LNPK: variants seen among roughly 807,000 people sequenced by gnomAD.
The protein encoded by LNPK is endoplasmic reticulum junction formation protein lunapark.
In LNPK, 29 loss-of-function variants were observed where a neutral mutation model predicts 55.2. The observed-to-expected ratio is 0.53, with a 90% CI of 0.39 to 0.72. LNPK has a LOEUF of 0.72. Ranked by LOEUF, LNPK falls within the 30% of genes least tolerant of loss-of-function variation. The pLI is 0.00. For synonymous variants in LNPK, 162 were observed against 168.2 expected (o/e 0.96, Z 0.29); for missense variants, 467 against 494.8 (o/e 0.94, Z 0.53).
intron 1 of LNPK, among the ~76,000 whole-genome samples, chr2:175,997,830 C>T (rs1292328441): frequency 6.6e-6 from 1 of 151,176 alleles, no homozygotes; most frequent in Middle Eastern, 3.2e-3. Context: ...CCATCTCCAG[C>T]GTTAAAGCAA....
intron 1 of LNPK, among the ~76,000 whole-genome samples, chr2:176,000,523 T>C (rs891021943): frequency 6.6e-6 from 1 of 152,220 alleles, no homozygotes; most frequent in Non-Finnish European, 1.5e-5. Flanking sequence ...AATTGGAAAA[T>C]TATATTAGTT....
At chr2:175,980,585 T>C (rs1687123708) in intron 4 of LNPK, among the ~76,000 whole-genome samples, 1 of 152,114 alleles carries the variant, frequency 6.6e-6, no homozygotes, top group Admixed American at 6.5e-5. Context: ...CATAGCAAAA[T>C]ACCTCTTCTC....
chr2:176,002,405 T>G (rs527995204), upstream of LNPK: 8 of 347,490 alleles, frequency 2.3e-5, no homozygotes, highest in East Asian at 4.7e-4. Context: ...GCCGGGAGGT[T>G]AGGATCTTGT....
At chr2:175,962,599 A>C (rs187495499) in intron 8 of LNPK, among the ~76,000 whole-genome samples, 9,281 of 152,088 alleles carry the variant, frequency 0.061, 329 homozygotes, top group Admixed American at 0.12. Flanking sequence ...ACCATAAAAA[A>C]CCTAGAAGAA....
At chr2:175,946,829 C>A (rs1574828488) in intron 9 of LNPK, among the ~76,000 whole-genome samples, 1 of 152,120 alleles carries the variant, frequency 6.6e-6, no homozygotes, top group African/African-American at 2.4e-5. Flanking sequence ...CAGTGGACTT[C>A]CATGCCCCAG....
At chr2:175,958,370 G>A (rs114199732) in intron 8 of LNPK, among the ~76,000 whole-genome samples, 264 of 152,288 alleles carry the variant, frequency 1.7e-3, no homozygotes, top group African/African-American at 6.1e-3. Context: ...CCACAGGAAG[G>A]ATCAGGCAGC....
intron 12 of LNPK, among the ~76,000 whole-genome samples, chr2:175,933,246 A>C (rs947302434): frequency 6.6e-6 from 1 of 152,172 alleles, no homozygotes; most frequent in Non-Finnish European, 1.5e-5. Context: ...TGAAACTCAT[A>C]AAACAGTGTA....
At chr2:176,001,771 C>T (rs916471501) in intron 1 of LNPK, among the ~76,000 whole-genome samples, 3 of 152,150 alleles carry the variant, frequency 2.0e-5, no homozygotes, top group Non-Finnish European at 4.4e-5. Flanking sequence ...TAGTTTGGGA[C>T]CTTCTGACCT....
chr2:175,947,780 C>T (rs548854048), intron 8 of LNPK, 88 bp from the exon 9 acceptor site: 57 of 932,768 alleles, frequency 6.1e-5, no homozygotes, highest in African/African-American at 2.3e-4. Flanking sequence ...TAAAATTTTA[C>T]GCCCCAAAAG....
chr2:175,942,057 G>T (rs147603613), intron 9 of LNPK, among the ~76,000 whole-genome samples: 15 of 151,660 alleles, frequency 9.9e-5, no homozygotes, highest in African/African-American at 2.9e-4. Flanking sequence ...ATCACTAGAA[G>T]AACAATACAA....
intron 8 of LNPK, among the ~76,000 whole-genome samples, chr2:175,956,060 G>A (rs1296372006): frequency 1.6e-4 from 24 of 151,866 alleles, no homozygotes; most frequent in Non-Finnish European, 4.4e-5. Flanking sequence ...CTGATGGATC[G>A]CTTGAGCCCA....
chr2:175,935,085 A>G (rs1204766058), intron 12 of LNPK, among the ~76,000 whole-genome samples: 1 of 152,172 alleles, frequency 6.6e-6, no homozygotes, highest in Non-Finnish European at 1.5e-5. Flanking sequence ...TTGAAAAAAA[A>G]ATATTTCTTC....
At chr2:175,970,884 C>T (rs1402116583) in intron 5 of LNPK, 80 bp from the exon 6 acceptor site, 2 of 1,193,688 alleles carry the variant, frequency 1.7e-6, no homozygotes, top group Non-Finnish European at 2.2e-6. Flanking sequence ...CGGTAGCAAA[C>T]ACAAGAAAAC....
chr2:175,981,965 G>A (rs1337600513), intron 4 of LNPK, among the ~76,000 whole-genome samples: 3 of 151,938 alleles, frequency 2.0e-5, no homozygotes, highest in Non-Finnish European at 4.4e-5. Context: ...TTTTAATATT[G>A]TGATGATTTA....
Position 175,964,522 on chromosome 2 carries a change from T to C in LNPK, c.425A>G (p.Asp142Gly), listed in dbSNP as rs1192777480. ...CAGTCTTACCTTTGCTTTCTTTGAGTCCGGATCAAACCTTTCAAGAATTAA... is the reference window on the plus strand; with the variant it reads ...CAGTCTTACCTTTGCTTTCTTTGAGCCCGGATCAAACCTTTCAAGAATTAA... ...AKLILERFDP[D>G]SKKAKECEPP... is the part of the protein sequence containing the mutation. The change falls in exon 7 of 13, where the codon GAC (aspartate) becomes GGC (glycine). Residue 142 changes from aspartate to glycine, a missense_variant. By Grantham distance (94) the Asp-to-Gly change is moderately conservative (BLOSUM62 -1). Transcript: ENST00000272748. 1.2e-6 allele frequency: 2 copies of C among 1,609,238 alleles called. No individual in the cohort carries two copies.
At chr2:175,956,368 T>C (rs534683810) in intron 8 of LNPK, among the ~76,000 whole-genome samples, 1 of 152,104 alleles carries the variant, frequency 6.6e-6, no homozygotes, top group South Asian at 2.1e-4. Context: ...CCTATGGTGA[T>C]AACCTATTCC....
chr2:175,986,531 G>C (rs1250818219), intron 4 of LNPK, among the ~76,000 whole-genome samples: 2 of 152,046 alleles, frequency 1.3e-5, no homozygotes, highest in Non-Finnish European at 2.9e-5. Flanking sequence ...CATGTACAGT[G>C]TTATTGTTTC....
Position 175,929,597 on chromosome 2 carries a change from A to G in LNPK, c.*370T>C. On this transcript the variant is annotated 3_prime_UTR_variant, in exon 13 of 13. Transcript: ENST00000272748. The stretch of plus-strand genomic sequence containing the variant: ...AAGTTTCATTCCTTAAAACAAACAC[A>G]ATTAGAGAACTTACTCTTAACCAAA... 2 of 1,013,202 alleles carry G rather than the reference A, an allele frequency of 2.0e-6. No homozygotes were observed. Among genetic ancestry groups the G allele is most frequent in the Non-Finnish European group, 2.4e-6 (2 of 847,516 alleles). 62.8% of individuals were successfully genotyped at this position (1,013,202 alleles called of 1,614,324 possible). A position where few individuals can be genotyped will look rare whatever the true frequency, so the allele number is the denominator to read the frequency against.
At position 175,933,731 on chromosome 2, in the gene LNPK, G is replaced by GTTTTTT. The variant is rs34348423; in HGVS notation, c.1055-3538_1055-3533dup. Among the ~76,000 whole-genome samples, 93 of 122,092 alleles carry GTTTTTT rather than the reference G, an allele frequency of 7.6e-4. 3 individuals are homozygous for GTTTTTT. Among genetic ancestry groups the GTTTTTT allele is most frequent in the South Asian group, 1.6e-3 (6 of 3,670 alleles). The allele number at this position is 122,092 out of a possible 152,430, so 80.1% of individuals were successfully genotyped here. ...AGCAAATCAATTAGACAAGTTAAGG[G>GTTTTTT]TTTTTTTTTTTTTTTTTTGAGACAG... On this transcript the variant is annotated intron_variant, in intron 12 of 12. Coordinates refer to ENST00000272748, the MANE Select transcript of LNPK (RefSeq NM_030650.3).
Sources: allele counts gnomAD v4.1 joint callset (sites outside exome capture counted in the v4.1 genomes callset), GRCh38; gene constraint gnomAD v4.1.1; transcripts MANE v1.5; gene names NCBI Gene and HGNC (gene_info 2026-07-23, HGNC 2026-07-21).